The following WDFY1 variants were observed in gnomAD, a reference collection of about 807,000 sequenced individuals.
The protein encoded by WDFY1 is WD repeat and FYVE domain-containing protein 1.
A neutral mutation model predicts 56.4 loss-of-function variants in WDFY1; 32 were observed. That is an observed-to-expected ratio of 0.57 (90% CI 0.43 to 0.76). The LOEUF is 0.76. WDFY1 is among the 30% of genes least tolerant of loss of function. WDFY1 has a pLI of 0.00. For missense variants in WDFY1, 480 were observed against 545.7 expected, an observed-to-expected ratio of 0.88 and a Z score of 1.20; for synonymous variants, 192 against 197.3, an observed-to-expected ratio of 0.97 and a Z score of 0.23.
At position 223,878,472 on chromosome 2, in the gene WDFY1, C is replaced by T. The variant is rs192022684; in HGVS notation, c.*199G>A. ...CCAGTCTTCAGGGAACCACTATGGA[C>T]AGACCTTTTCCATATTAGTCCCCAT... On this transcript the variant is annotated 3_prime_UTR_variant, in exon 12 of 12. Transcript: ENST00000233055. 5.8e-4 allele frequency: 315 copies of T among 544,418 alleles called. 2 individuals are homozygous for T. Among genetic ancestry groups the T allele is most frequent in the African/African-American group, 4.9e-3 (255 of 51,924 alleles). The allele number at this position is 544,418 out of a possible 1,614,324, so 33.7% of individuals were successfully genotyped here. A position where few individuals can be genotyped will look rare whatever the true frequency, so the allele number is the denominator to read the frequency against.
intron 1 of WDFY1, among the ~76,000 whole-genome samples, chr2:223,941,864 A>T (rs1022142192): frequency 6.6e-6 from 1 of 152,242 alleles, no homozygotes; most frequent in Non-Finnish European, 1.5e-5. Context: ...CACCATGGCT[A>T]ACACCAAGAA....
intron 1 of WDFY1, among the ~76,000 whole-genome samples, chr2:223,919,056 A>G (rs78146588): frequency 1.3e-5 from 2 of 152,034 alleles, no homozygotes; most frequent in Admixed American, 6.6e-5. Flanking sequence ...CTGCTCCTGC[A>G]CTCTCAGGGC....
intron 8 of WDFY1, among the ~76,000 whole-genome samples, chr2:223,891,305 A>C (rs184900285): frequency 1.9e-4 from 26 of 134,384 alleles, no homozygotes; most frequent in African/African-American, 7.2e-4. Context: ...ATCACTTGAA[A>C]CTAGGATGCG....
intron 1 of WDFY1, among the ~76,000 whole-genome samples, chr2:223,942,622 G>A (rs1160406551): frequency 7.9e-6 from 1 of 125,828 alleles, no homozygotes; most frequent in Non-Finnish European, 1.6e-5. Flanking sequence ...TGCAAGCTCC[G>A]CTTCCCGGGT....
In WDFY1 at chr2:223,945,312, T is replaced by A. The variant is rs746457052; in HGVS notation, c.-28A>T. The A allele has an allele frequency of 3.9e-6, 6 of 1,551,288 alleles. No individual in the cohort carries two copies. The highest frequency in any genetic ancestry group is 2.0e-4 in the Middle Eastern group (1 of 4,984). On this transcript the variant is annotated 5_prime_UTR_variant, in exon 1 of 12. Transcript: ENST00000233055. ...TCGCGCGGCGACTGCTGCGGCCTCC[T>A]CGGCAGGCAGCCCATCAGCTGACGC...
At chr2:223,897,945 C>T (rs1465944050) in intron 6 of WDFY1, among the ~76,000 whole-genome samples, 1 of 152,120 alleles carries the variant, frequency 6.6e-6, no homozygotes, top group Non-Finnish European at 1.5e-5. Context: ...CAGAAGCATG[C>T]CGGCACCATG....
intron 4 of WDFY1, among the ~76,000 whole-genome samples, chr2:223,903,327 G>A (rs1693536065): frequency 6.6e-6 from 1 of 152,016 alleles, no homozygotes; most frequent in African/African-American, 2.4e-5. Flanking sequence ...TTCAAGACCA[G>A]CCTGGCCAAC....
intron 1 of WDFY1, 25 bp downstream of exon 1, chr2:223,945,123 C>T (rs751434804): frequency 6.4e-7 from 1 of 1,567,680 alleles, no homozygotes; most frequent in Non-Finnish European, 8.6e-7. Flanking sequence ...GAGTTCGGGC[C>T]GCCCCGGCTG....
chr2:223,899,296 G>C, intron 5 of WDFY1: 1 of 448,876 alleles, frequency 2.2e-6, no homozygotes, highest in Non-Finnish European at 4.0e-6. Context: ...TACTGAGAAA[G>C]TTTATATTCA....
intron 8 of WDFY1, among the ~76,000 whole-genome samples, chr2:223,888,964 C>T (rs1211895970): frequency 1.4e-5 from 2 of 139,378 alleles, no homozygotes; most frequent in South Asian, 4.5e-4. Flanking sequence ...AATGCAATGG[C>T]GTGATCTTGG....
Position 223,899,934 on chromosome 2 carries a change from T to C in WDFY1, c.486-864A>G, listed in dbSNP as rs78628447. Among the ~76,000 whole-genome samples the C allele has an allele frequency of 6.9e-3, 1,052 of 152,320 alleles. 16 individuals carry two copies. Among genetic ancestry groups the C allele is most frequent in the African/African-American group, 0.024 (1,015 of 41,560 alleles). ...AGAATTTAGCTATAAATGAAGAGGATGATTCACTTTAAATTACTGTGGATA... is the reference window on the plus strand; with the variant it reads ...AGAATTTAGCTATAAATGAAGAGGACGATTCACTTTAAATTACTGTGGATA... On this transcript the variant is annotated intron_variant, in intron 5 of 11. Coordinates refer to ENST00000233055, the MANE Select transcript of WDFY1 (RefSeq NM_020830.5).
intron 3 of WDFY1, among the ~76,000 whole-genome samples, chr2:223,910,534 A>T (rs572395541): frequency 3.3e-5 from 5 of 152,244 alleles, no homozygotes; most frequent in Admixed American, 6.5e-5. Context: ...TCTAACATAC[A>T]GAAAAAAACT....
chr2:223,935,487 T>C (rs780028044), intron 1 of WDFY1, among the ~76,000 whole-genome samples: 6 of 152,240 alleles, frequency 3.9e-5, no homozygotes, highest in Non-Finnish European at 8.8e-5. Context: ...GAGCATACTT[T>C]GTAGAGAGGG....
In WDFY1 at chr2:223,878,736, A is replaced by T; in HGVS notation, c.1174-6T>A. On this transcript the variant is annotated splice_polypyrimidine_tract_variant and splice_region_variant and intron_variant, in intron 11 of 11. Transcript: ENST00000233055. ...ACAGGTGTCATGTCCCAGATCTACA[A>T]GGAAGGAAGAAACGCAGAAAAGGCA... 1 of 1,611,766 alleles carries T rather than the reference A, an allele frequency of 6.2e-7. No individual in the cohort carries two copies. Among genetic ancestry groups the T allele is most frequent in the Non-Finnish European group, 8.5e-7 (1 of 1,178,652 alleles).
At chr2:223,931,612 A>G (rs1171074648) in intron 1 of WDFY1, among the ~76,000 whole-genome samples, 1 of 152,188 alleles carries the variant, frequency 6.6e-6, no homozygotes, top group Non-Finnish European at 1.5e-5. Flanking sequence ...GATTCAAGGT[A>G]CAATTTTTTC....
At chr2:223,933,486 C>A (rs1694115658) in intron 1 of WDFY1, among the ~76,000 whole-genome samples, 1 of 151,950 alleles carries the variant, frequency 6.6e-6, no homozygotes, top group Admixed American at 6.6e-5. Context: ...ATAATCTAGA[C>A]AGGCTGGAGT....
intron 4 of WDFY1, among the ~76,000 whole-genome samples, chr2:223,903,126 A>G (rs967393265): frequency 6.6e-6 from 1 of 152,182 alleles, no homozygotes; most frequent in East Asian, 1.9e-4. Context: ...CAATCCCTAT[A>G]TTAGTCCTCC....
rs148901692 is a variant in WDFY1, at chr2:223,907,351, A to G, written c.280-1350T>C. Among the ~76,000 whole-genome samples the G allele has an allele frequency of 2.4e-3, 363 of 152,330 alleles. 3 individuals carry two copies. The highest frequency in any genetic ancestry group is 8.3e-3 in the African/African-American group (344 of 41,578). ...GCTGACAGACCAGAGTGAGGGGGGA[A>G]AAAAGCACACAAAAGAATACAGATT... On this transcript the variant is annotated intron_variant, in intron 3 of 11. Coordinates refer to ENST00000233055, the MANE Select transcript of WDFY1 (RefSeq NM_020830.5).
rs546392388 is a variant in WDFY1 at position 223,904,294 on chromosome 2, C to T, written c.334+1653G>A. On this transcript the variant is annotated intron_variant, in intron 4 of 11. Coordinates refer to ENST00000233055, the MANE Select transcript of WDFY1 (RefSeq NM_020830.5). ...TGAGAAGGAGTCTCGCTCTGTTGCC[C>T]AGGCAGGAGTGCAGTGGTGCGATTT... 2.0e-5 allele frequency among the ~76,000 whole-genome samples: 3 copies of T among 152,288 alleles called. No individual in the cohort carries two copies. The South Asian group carries it at 6.2e-4, about 32-fold the overall frequency.
Sources: allele counts gnomAD v4.1 joint callset (sites outside exome capture counted in the v4.1 genomes callset), GRCh38; gene constraint gnomAD v4.1.1; transcripts MANE v1.5; gene names NCBI Gene and HGNC (gene_info 2026-07-23, HGNC 2026-07-21).